Variants in PDE1C observed in about 807,000 individuals in gnomAD.
PDE1C encodes the protein phosphodiesterase 1C.
A neutral mutation model predicts 93.1 loss-of-function variants in PDE1C; 62 were observed. That is an observed-to-expected ratio of 0.67 (90% CI 0.54 to 0.82). The LOEUF (loss-of-function observed/expected upper bound fraction) is 0.82, where lower values mean the gene tolerates loss of function less well. Ranked by LOEUF, PDE1C falls within the 40% of genes least tolerant of loss-of-function variation. The pLI, the probability that PDE1C is intolerant of heterozygous loss-of-function variation, is 0.00. For synonymous variants in PDE1C, 325 were observed against 310.1 expected (o/e 1.05, Z -0.50); for missense variants, 742 against 884.6 (o/e 0.84, Z 2.04).
chr7:32,416,294 G>A (rs1387673972), intron 1 of PDE1C, among the ~76,000 whole-genome samples: 2 of 152,180 alleles, frequency 1.3e-5, no homozygotes, highest in Non-Finnish European at 2.9e-5. Flanking sequence ...GAATGCCCCG[G>A]ACGTACATAT....
chr7:32,249,775 C>T lies in PDE1C; in HGVS notation c.86-40236G>A, dbSNP rs147979776. ...AGGCACAAAAATAAGTCAATCATCA[C>T]GTCTTAAGTATAGTGGAGTCATACC... On this transcript the variant is annotated intron_variant, in intron 1 of 18. Transcript: ENST00000396193. Among the ~76,000 whole-genome samples, 525 of 152,254 alleles carry T rather than the reference C, an allele frequency of 3.4e-3. 4 individuals carry two copies. The highest frequency in any genetic ancestry group is 0.012 in the African/African-American group (491 of 41,546).
chr7:31,999,303 T>G (rs934218678), intron 2 of PDE1C, among the ~76,000 whole-genome samples: 6 of 152,236 alleles, frequency 3.9e-5, no homozygotes, highest in South Asian at 2.1e-4. Context: ...TACATTAATA[T>G]GCAAATGTGC....
intron 12 of PDE1C, among the ~76,000 whole-genome samples, chr7:31,827,186 A>C (rs1434305690): frequency 6.6e-6 from 1 of 152,050 alleles, no homozygotes; most frequent in Non-Finnish European, 1.5e-5. Context: ...GCCATATGGA[A>C]ATGTTTAGAA....
intron 2 of PDE1C, among the ~76,000 whole-genome samples, chr7:31,895,479 G>C (rs1010996026): frequency 2.0e-5 from 3 of 152,196 alleles, no homozygotes; most frequent in African/African-American, 7.2e-5. Context: ...AAATCTCAAA[G>C]TCTAAGCATT....
rs867103680 is a variant in PDE1C, at chr7:31,754,385, G to A, written c.1961-832C>T. On this transcript the variant is annotated intron_variant, in intron 17 of 17. Transcript: ENST00000396191. Reference sequence around the variant, plus strand: ...GCAATGCAGCAATTGTGCATCCTAGGTATTTACCCAATTGATGGAAAATGT... The same window carrying A: ...GCAATGCAGCAATTGTGCATCCTAGATATTTACCCAATTGATGGAAAATGT... Among the ~76,000 whole-genome samples, 6 of 152,256 alleles carry A rather than the reference G, an allele frequency of 3.9e-5. 1 individual carries two copies. The Middle Eastern group carries it at 0.014, about 345-fold the overall frequency.
intron 7 of PDE1C, among the ~76,000 whole-genome samples, chr7:31,852,229 G>A (rs1217834235): frequency 6.6e-6 from 1 of 152,134 alleles, no homozygotes; most frequent in East Asian, 1.9e-4. Context: ...ACTTCAGAGT[G>A]AGCATAAACA....
intron 3 of PDE1C, among the ~76,000 whole-genome samples, chr7:32,148,722 T>C (rs1323374467): frequency 6.6e-6 from 1 of 152,166 alleles, no homozygotes; most frequent in African/African-American, 2.4e-5. Flanking sequence ...CCTTACTCAC[T>C]GCCGTATCCC....
chr7:32,397,141 A>AAT, intron 1 of PDE1C, among the ~76,000 whole-genome samples: 1 of 152,196 alleles, frequency 6.6e-6, no homozygotes, highest in Non-Finnish European at 1.5e-5. Context: ...ACTATACTGA[A>AAT]ATATACTTTC....
the PDE1C span, among the ~76,000 whole-genome samples, chr7:31,679,997 G>A: frequency 1.3e-5 from 2 of 152,196 alleles, no homozygotes; most frequent in Non-Finnish European, 2.9e-5. Context: ...TCATTCCCAT[G>A]TGCTGCAGGT....
chr7:31,966,774 G>A (rs556737276), intron 2 of PDE1C, among the ~76,000 whole-genome samples: 33 of 152,304 alleles, frequency 2.2e-4, no homozygotes, highest in East Asian at 2.1e-3. Flanking sequence ...AGACCACAGT[G>A]CAATCAAACT....
intron 2 of PDE1C, among the ~76,000 whole-genome samples, chr7:32,180,696 T>C (rs539207994): frequency 2.6e-5 from 4 of 152,356 alleles, no homozygotes; most frequent in Admixed American, 1.3e-4. Flanking sequence ...TATTTTATTA[T>C]AGCAACACAA....
chr7:32,042,076 G>C (rs1343001330), intron 2 of PDE1C, among the ~76,000 whole-genome samples: 4 of 152,174 alleles, frequency 2.6e-5, no homozygotes, highest in Admixed American at 6.5e-5. Context: ...AAGGCGGGTG[G>C]ATCACTTGAG....
chr7:31,931,228 G>T (rs1352100337), intron 2 of PDE1C, among the ~76,000 whole-genome samples: 4 of 152,124 alleles, frequency 2.6e-5, no homozygotes, highest in Admixed American at 2.0e-4. Flanking sequence ...GTATTGGAAG[G>T]TCTGGTCAGG....
intron 1 of PDE1C, among the ~76,000 whole-genome samples, chr7:32,395,747 C>T (rs151107194): frequency 7.2e-5 from 11 of 152,014 alleles, no homozygotes; most frequent in Non-Finnish European, 1.0e-4. Context: ...TTGATCTTCA[C>T]GAGTAGCAGA....
chr7:31,903,812 T>C (rs1304563631), intron 2 of PDE1C, among the ~76,000 whole-genome samples: 6 of 152,128 alleles, frequency 3.9e-5, no homozygotes, highest in Non-Finnish European at 8.8e-5. Context: ...AATCTAATTA[T>C]GTTTTACAGC....
the PDE1C span, among the ~76,000 whole-genome samples, chr7:31,619,121 C>G: frequency 2.0e-5 from 3 of 152,278 alleles, no homozygotes; most frequent in East Asian, 5.8e-4. Flanking sequence ...ATATTAGTCA[C>G]AACATTTCAT....
At chr7:31,834,320 G>A (rs1270708684) in intron 11 of PDE1C, among the ~76,000 whole-genome samples, 2 of 152,200 alleles carry the variant, frequency 1.3e-5, no homozygotes, top group African/African-American at 4.8e-5. Flanking sequence ...TAGTGGAGCT[G>A]TGAGAAGAGG....
At chr7:32,414,252 A>C (rs1292549350) in intron 1 of PDE1C, among the ~76,000 whole-genome samples, 4 of 151,792 alleles carry the variant, frequency 2.6e-5, no homozygotes, top group Non-Finnish European at 4.4e-5. Flanking sequence ...ATAAATAATA[A>C]AGGGTAGAGG....
intron 1 of PDE1C, 47 bp from the exon 2 acceptor site, chr7:32,051,627 C>T (rs752062429): frequency 3.8e-6 from 6 of 1,565,650 alleles, no homozygotes; most frequent in Non-Finnish European, 5.3e-6. Flanking sequence ...TTGTGGCAGG[C>T]AGTGGGTAAG....
Sources: allele counts gnomAD v4.1 joint callset (sites outside exome capture counted in the v4.1 genomes callset), GRCh38; gene constraint gnomAD v4.1.1; transcripts MANE v1.5; gene names NCBI Gene and HGNC (gene_info 2026-07-23, HGNC 2026-07-21).